Variants in ERBB4 observed in about 807,000 individuals in gnomAD.
ERBB4 encodes the protein erb-b2 receptor tyrosine kinase 4, also known as receptor tyrosine-protein kinase erbB-4.
Under a neutral mutation model 158.0 loss-of-function variants are expected in ERBB4, and 42 were observed. That is an observed-to-expected ratio of 0.27 (90% CI 0.21 to 0.34). The LOEUF (loss-of-function observed/expected upper bound fraction) is 0.34, where lower values mean the gene tolerates loss of function less well. ERBB4 is among the 10% of genes least tolerant of loss of function. ERBB4 has a pLI of 1.00. For missense variants in ERBB4, 1,333 were observed against 1,624.1 expected (o/e 0.82, Z 3.08); for synonymous variants, 583 against 558.7 (o/e 1.04, Z -0.61).
chr2:212,411,193 T>C (rs1186407092), intron 1 of ERBB4, among the ~76,000 whole-genome samples: 3 of 152,124 alleles, frequency 2.0e-5, no homozygotes, highest in Non-Finnish European at 4.4e-5. Context: ...TGATCAGATA[T>C]GGAGAATTCT....
At chr2:211,875,040 A>C (rs1421565939) in intron 3 of ERBB4, among the ~76,000 whole-genome samples, 3 of 146,114 alleles carry the variant, frequency 2.1e-5, no homozygotes, top group South Asian at 2.2e-4. Context: ...AAAAAAAAAA[A>C]AAAAAAAAAA....
intron 1 of ERBB4, among the ~76,000 whole-genome samples, chr2:212,322,051 CCTT>C (rs1482440933): frequency 1.3e-5 from 2 of 150,294 alleles, no homozygotes; most frequent in Non-Finnish European, 3.0e-5. Context: ...TATTTATGGT[CCTT>C]CTTTCATCTT....
At chr2:212,509,368 T>G (rs1028604216) in intron 1 of ERBB4, among the ~76,000 whole-genome samples, 5 of 152,074 alleles carry the variant, frequency 3.3e-5, no homozygotes, top group African/African-American at 1.2e-4. Flanking sequence ...CGTACATAAG[T>G]GATACTAAGG....
intron 1 of ERBB4, among the ~76,000 whole-genome samples, chr2:212,287,330 T>A (rs1160100918): frequency 3.3e-5 from 5 of 152,164 alleles, no homozygotes; most frequent in African/African-American, 9.7e-5. Flanking sequence ...TGAGCAACAC[T>A]TATTTTTCAC....
At chr2:211,744,439 C>T (rs1234518082) in intron 5 of ERBB4, among the ~76,000 whole-genome samples, 1 of 152,146 alleles carries the variant, frequency 6.6e-6, no homozygotes, top group Non-Finnish European at 1.5e-5. Flanking sequence ...CTATTAAAAA[C>T]AAAAACAAAA....
intron 12 of ERBB4, among the ~76,000 whole-genome samples, chr2:211,699,128 T>C (rs1479719317): frequency 2.6e-5 from 4 of 152,166 alleles, no homozygotes; most frequent in African/African-American, 9.7e-5. Flanking sequence ...AGCCAACTCC[T>C]AGATTTAGAT....
At chr2:212,473,451 A>T (rs1166984642) in intron 1 of ERBB4, among the ~76,000 whole-genome samples, 2 of 152,112 alleles carry the variant, frequency 1.3e-5, no homozygotes, top group Non-Finnish European at 2.9e-5. Flanking sequence ...GATCTGGGCA[A>T]TGATTCTAGG....
chr2:211,569,875 T>G (rs1431703669), intron 19 of ERBB4, among the ~76,000 whole-genome samples: 1 of 152,210 alleles, frequency 6.6e-6, no homozygotes, highest in Non-Finnish European at 1.5e-5. Context: ...TTTTAATGCC[T>G]GGTTTCTGTT....
chr2:211,709,254 C>CATATATATATATATATAT (rs200613120), intron 9 of ERBB4, among the ~76,000 whole-genome samples: 3 of 101,534 alleles, frequency 3.0e-5, no homozygotes, highest in African/African-American at 1.2e-4. Flanking sequence ...TATATATACA[C>CATATATATATATATATAT]ATATATATAT....
intron 5 of ERBB4, among the ~76,000 whole-genome samples, chr2:211,731,122 A>C (rs1374773682): frequency 1.3e-5 from 2 of 152,156 alleles, no homozygotes; most frequent in Non-Finnish European, 2.9e-5. Context: ...TCTGAAGGCA[A>C]ACATTATGGA....
rs190229149 is a variant in ERBB4, at chr2:211,855,701, T to C, written c.422-67542A>G. ...TAATAGGCATACTGTGTACTGTAGC[T>C]TTATGATGAGTCTTAATATCCAGTA... On this transcript the variant is annotated intron_variant, in intron 3 of 27. Transcript: ENST00000342788. 1.5e-3 allele frequency among the ~76,000 whole-genome samples: 224 copies of C among 152,282 alleles called. 2 individuals are homozygous for C. The highest frequency in any genetic ancestry group is 1.1e-3 in the Non-Finnish European group (72 of 67,996).
At chr2:211,814,138 C>G (rs1004903148) in intron 3 of ERBB4, among the ~76,000 whole-genome samples, 2 of 152,044 alleles carry the variant, frequency 1.3e-5, no homozygotes, top group Non-Finnish European at 2.9e-5. Context: ...AATATAAATG[C>G]AATTTGTCTA....
chr2:211,846,990 G>A (rs1171361234), intron 3 of ERBB4, among the ~76,000 whole-genome samples: 1 of 152,138 alleles, frequency 6.6e-6, no homozygotes, highest in Non-Finnish European at 1.5e-5. Flanking sequence ...GGTGGTTGGA[G>A]TTTTGTAAGA....
chr2:211,633,857 C>T (rs936008516), intron 16 of ERBB4, among the ~76,000 whole-genome samples: 1 of 151,794 alleles, frequency 6.6e-6, no homozygotes, highest in Non-Finnish European at 1.5e-5. Context: ...GTCAAATATC[C>T]AGAATATGCA....
chr2:211,678,961 C>G (rs112997136), intron 13 of ERBB4, 91 bp downstream of exon 13: 1 of 1,034,718 alleles, frequency 9.7e-7, no homozygotes, highest in Non-Finnish European at 1.3e-6. Context: ...AGCGAGACTC[C>G]GTCTCAAAAA....
intron 20 of ERBB4, among the ~76,000 whole-genome samples, chr2:211,466,951 T>C (rs370231513): frequency 6.6e-6 from 1 of 152,136 alleles, no homozygotes; most frequent in African/African-American, 2.4e-5. Context: ...GGCAATATTG[T>C]AAAGCAAATT....
At chr2:211,655,715 A>G (rs998261487) in intron 16 of ERBB4, among the ~76,000 whole-genome samples, 2 of 152,230 alleles carry the variant, frequency 1.3e-5, no homozygotes, top group East Asian at 3.9e-4. Flanking sequence ...TCATAAATAT[A>G]GGAACAATCT....
At chr2:211,999,522 C>G (rs1054122461) in intron 2 of ERBB4, among the ~76,000 whole-genome samples, 2 of 151,700 alleles carry the variant, frequency 1.3e-5, no homozygotes, top group African/African-American at 2.4e-5. Flanking sequence ...CTACAGATGC[C>G]TTGAACTAAG....
chr2:212,229,051 A>G (rs1476958924), intron 1 of ERBB4, among the ~76,000 whole-genome samples: 2 of 152,240 alleles, frequency 1.3e-5, no homozygotes, highest in Non-Finnish European at 2.9e-5. Context: ...GGAATTGGAC[A>G]TATCAGTATG....
Sources: allele counts gnomAD v4.1 joint callset (sites outside exome capture counted in the v4.1 genomes callset), GRCh38; gene constraint gnomAD v4.1.1; transcripts MANE v1.5; gene names NCBI Gene and HGNC (gene_info 2026-07-23, HGNC 2026-07-21).